KCNQ3: variants seen among roughly 807,000 people sequenced by gnomAD.
The protein encoded by KCNQ3 is potassium voltage-gated channel subfamily KQT member 3.
KCNQ3 carries 30 observed loss-of-function variants against 92.5 expected under a neutral mutation model. The observed-to-expected ratio is 0.32, with a 90% CI of 0.24 to 0.44. The LOEUF is 0.44. KCNQ3 is among the 20% of genes least tolerant of loss of function. The pLI is 1.00. For synonymous variants in KCNQ3, 450 were observed against 468.8 expected, an observed-to-expected ratio of 0.96 and a Z score of 0.52; for missense variants, 913 against 1,140.3, an observed-to-expected ratio of 0.80 and a Z score of 2.87.
At chr8:132,434,296 C>G (rs1295532287) in intron 1 of KCNQ3, among the ~76,000 whole-genome samples, 1 of 151,874 alleles carries the variant, frequency 6.6e-6, no homozygotes, top group Non-Finnish European at 1.5e-5. Context: ...GTCTTTCCAT[C>G]ATCCATCTCC....
At chr8:132,282,247 G>T (rs1052220812) in intron 1 of KCNQ3, among the ~76,000 whole-genome samples, 1 of 152,160 alleles carries the variant, frequency 6.6e-6, no homozygotes, top group Non-Finnish European at 1.5e-5. Flanking sequence ...AGTATGGCAT[G>T]AGATGATCCT....
chr8:132,330,589 G>T (rs528248225), intron 1 of KCNQ3, among the ~76,000 whole-genome samples: 1 of 152,274 alleles, frequency 6.6e-6, no homozygotes, highest in African/African-American at 2.4e-5. Context: ...GGACATGTCA[G>T]CAAAAACTCA....
intron 1 of KCNQ3, among the ~76,000 whole-genome samples, chr8:132,303,643 A>C (rs1817310804): frequency 2.6e-5 from 1 of 39,126 alleles, no homozygotes; most frequent in Non-Finnish European, 4.0e-5. Context: ...GTGTATATAT[A>C]TATATATATT....
At chr8:132,386,810 G>T (rs1252117771) in intron 1 of KCNQ3, among the ~76,000 whole-genome samples, 1 of 151,920 alleles carries the variant, frequency 6.6e-6, no homozygotes, top group Non-Finnish European at 1.5e-5. Flanking sequence ...TATTTTCCTG[G>T]AATGGTTTAT....
chr8:132,186,269 A>G, intron 1 of KCNQ3, 88 bp from the exon 2 acceptor site: 1 of 899,694 alleles, frequency 1.1e-6, no homozygotes, highest in Non-Finnish European at 1.8e-6. Context: ...TTCCAGGATG[A>G]AGCTGCAACT....
At chr8:132,441,484 G>T (rs926526558) in intron 1 of KCNQ3, among the ~76,000 whole-genome samples, 2 of 152,156 alleles carry the variant, frequency 1.3e-5, no homozygotes, top group African/African-American at 2.4e-5. Flanking sequence ...AACCCGGAAG[G>T]CAGAGCTTGC....
intron 1 of KCNQ3, among the ~76,000 whole-genome samples, chr8:132,321,745 T>A (rs761639843): frequency 6.6e-6 from 1 of 152,196 alleles, no homozygotes; most frequent in Non-Finnish European, 1.5e-5. Flanking sequence ...AACACACCAT[T>A]CACTACCACA....
intron 1 of KCNQ3, among the ~76,000 whole-genome samples, chr8:132,275,996 T>C (rs1296757024): frequency 6.6e-6 from 1 of 152,150 alleles, no homozygotes; most frequent in Non-Finnish European, 1.5e-5. Context: ...TACTGACCAC[T>C]TACTAGGGGT....
At chr8:132,437,146 G>C (rs531153150) in intron 1 of KCNQ3, among the ~76,000 whole-genome samples, 12 of 151,890 alleles carry the variant, frequency 7.9e-5, no homozygotes, top group African/African-American at 2.9e-4. Context: ...GGGCGAGGTG[G>C]CGGGCACCTG....
At chr8:132,263,269 G>A (rs1282560788) in intron 1 of KCNQ3, among the ~76,000 whole-genome samples, 1 of 152,146 alleles carries the variant, frequency 6.6e-6, no homozygotes, top group Non-Finnish European at 1.5e-5. Context: ...CCACTCCTAG[G>A]CAGTGATCTC....
At chr8:132,192,056 G>C (rs1384730780) in intron 1 of KCNQ3, among the ~76,000 whole-genome samples, 3 of 152,158 alleles carry the variant, frequency 2.0e-5, no homozygotes, top group Admixed American at 6.5e-5. Context: ...AAAGGTCAGG[G>C]CTGAATATCT....
rs2130922079 is a variant in KCNQ3, at chr8:132,129,042, A to G, written c.*220T>C. On this transcript the variant is annotated 3_prime_UTR_variant, in exon 15 of 15. Transcript: ENST00000388996. This position sits in a 1 kb window ranked among gnomAD's most constrained non-coding sequence, Gnocchi z 5.9. Reference sequence around the variant, plus strand: ...AAGAGATTAGCGGAACCATTTATATAGTGTAAAGTCATGCAAACCATGCTG... The same window carrying G: ...AAGAGATTAGCGGAACCATTTATATGGTGTAAAGTCATGCAAACCATGCTG... 1 of 594,460 alleles carries G rather than the reference A, an allele frequency of 1.7e-6. No homozygotes were observed. Among genetic ancestry groups the G allele is most frequent in the African/African-American group, 1.9e-5 (1 of 53,912 alleles). The allele number at this position is 594,460 out of a possible 1,614,324, so 36.8% of individuals were successfully genotyped here. A position where few individuals can be genotyped will look rare whatever the true frequency, so the allele number is the denominator to read the frequency against.
chr8:132,197,891 C>T (rs7832571), intron 1 of KCNQ3, among the ~76,000 whole-genome samples: 8 of 152,100 alleles, frequency 5.3e-5, no homozygotes, highest in Admixed American at 5.2e-4. Flanking sequence ...CCCTCATAAA[C>T]GGGTACCAAA....
chr8:132,182,091 T>C (rs945061770), intron 3 of KCNQ3, among the ~76,000 whole-genome samples: 1 of 150,130 alleles, frequency 6.7e-6, no homozygotes, highest in Non-Finnish European at 1.5e-5. Flanking sequence ...ACCAAAAAGC[T>C]GATGCCTTTC....
At chr8:132,301,273 C>T (rs554477225) in intron 1 of KCNQ3, among the ~76,000 whole-genome samples, 1 of 152,168 alleles carries the variant, frequency 6.6e-6, no homozygotes, top group Non-Finnish European at 1.5e-5. Flanking sequence ...TCCGACTGTA[C>T]GCCCATCTCA....
chr8:132,342,411 G>C (rs1340603225), intron 1 of KCNQ3, among the ~76,000 whole-genome samples: 1 of 152,058 alleles, frequency 6.6e-6, no homozygotes, highest in Admixed American at 6.6e-5. Context: ...TGCGGTGCCA[G>C]AGTAGAAAGG....
chr8:132,303,537 A>C (rs1817289587), intron 1 of KCNQ3, among the ~76,000 whole-genome samples: 1 of 106,924 alleles, frequency 9.4e-6, no homozygotes, highest in African/African-American at 3.6e-5. Context: ...AGGCAGAGGG[A>C]GCACTTGTGA....
intron 1 of KCNQ3, among the ~76,000 whole-genome samples, chr8:132,312,501 G>T (rs923339414): frequency 1.3e-5 from 2 of 151,990 alleles, no homozygotes; most frequent in African/African-American, 4.8e-5. Flanking sequence ...AGTGCAGGGG[G>T]TTGAGGTCTT....
At chr8:132,253,184 C>G (rs535407314) in intron 1 of KCNQ3, among the ~76,000 whole-genome samples, 24 of 152,312 alleles carry the variant, frequency 1.6e-4, no homozygotes, top group African/African-American at 5.3e-4. Context: ...ACCCCACTTA[C>G]TCCCCAGGAG....
Sources: allele counts gnomAD v4.1 joint callset (sites outside exome capture counted in the v4.1 genomes callset), GRCh38; gene constraint gnomAD v4.1.1; non-coding constraint Gnocchi (gnomAD v3.1); transcripts MANE v1.5; gene names NCBI Gene and HGNC (gene_info 2026-07-23, HGNC 2026-07-21).